Variants in AP4E1 observed in about 807,000 individuals in gnomAD.
The protein encoded by AP4E1 is AP-4 complex subunit epsilon-1.
In AP4E1, 56 loss-of-function variants were observed where a neutral mutation model predicts 128.2. The ratio of observed to expected loss-of-function variants is 0.44; its 90% CI spans 0.35 to 0.55. AP4E1 has a LOEUF of 0.55. Among genes scored for constraint, AP4E1 ranks in the 20% least tolerant of loss-of-function variants. The pLI is 0.00. For missense variants in AP4E1, 1,324 were observed against 1,307.7 expected (o/e 1.01, Z -0.19); for synonymous variants, 484 against 473.1 (o/e 1.02, Z -0.30).
At chr15:50,984,577 G>C (rs1035036092) in intron 16 of AP4E1, among the ~76,000 whole-genome samples, 1 of 150,296 alleles carries the variant, frequency 6.7e-6, no homozygotes, top group South Asian at 2.1e-4. Flanking sequence ...TTGTCCTTGC[G>C]ATAGTTTGCT....
intron 16 of AP4E1, among the ~76,000 whole-genome samples, chr15:50,986,986 G>T (rs556059936): frequency 3.3e-5 from 5 of 152,208 alleles, no homozygotes; most frequent in South Asian, 2.1e-4. Context: ...CAATTTCAGA[G>T]CCTGTTATTG....
In AP4E1 at chr15:50,908,915, T is replaced by G; in HGVS notation, c.137T>G (p.Leu46Arg). 6.2e-7 allele frequency: 1 copy of G among 1,610,982 alleles called. No homozygotes were observed. Residue 46 changes from leucine to arginine, a missense_variant, in exon 1 of 21, where the codon CTC (leucine) becomes CGC (arginine). By Grantham distance (102) the Leu-to-Arg change is moderately radical. Transcript: ENST00000261842. ...AGCCTTGTCCGCGGCATCACAGCCC[T>G]CACCTCCAAGCACGTAGGTGCCCGC... The part of the protein sequence containing the change: ...LGSLVRGITA[L>R]TSKHEEEKLI...
chr15:50,989,320 GTATT>G (rs997113345), intron 16 of AP4E1, among the ~76,000 whole-genome samples: 1 of 152,068 alleles, frequency 6.6e-6, no homozygotes, highest in Non-Finnish European at 1.5e-5. Flanking sequence ...GAGTTCTTCT[GTATT>G]TATTAAGAAA....
chr15:50,947,306 T>C (rs1232599883), intron 10 of AP4E1, among the ~76,000 whole-genome samples: 2 of 151,578 alleles, frequency 1.3e-5, no homozygotes, highest in East Asian at 3.9e-4. Flanking sequence ...GTCCCACCTA[T>C]TTGGAAGGCT....
At chr15:50,998,465 A>G (rs1407370783) in intron 18 of AP4E1, among the ~76,000 whole-genome samples, 1 of 152,094 alleles carries the variant, frequency 6.6e-6, no homozygotes, top group Admixed American at 6.6e-5. Flanking sequence ...CCCTGTCTCT[A>G]CTAAAAATAC....
At chr15:50,908,367 G>C (rs949634469), upstream of AP4E1, among the ~76,000 whole-genome samples, 1 of 152,172 alleles carries the variant, frequency 6.6e-6, no homozygotes. Flanking sequence ...TCCCGAAAAA[G>C]GCGCAGCCAG....
At chr15:50,909,041 GC>G (rs1265847472) in intron 1 of AP4E1, 113 bp downstream of exon 1, 1 of 1,491,556 alleles carries the variant, frequency 6.7e-7, no homozygotes, top group Non-Finnish European at 9.0e-7. Context: ...CTCCGGCGGG[GC>G]TCAGGGGCTG....
chr15:50,955,239 T>A (rs749462135), intron 13 of AP4E1, among the ~76,000 whole-genome samples: 2 of 152,238 alleles, frequency 1.3e-5, no homozygotes, highest in Non-Finnish European at 2.9e-5. Flanking sequence ...TAGTTCTAGA[T>A]CCTTGAGGAA....
intron 16 of AP4E1, among the ~76,000 whole-genome samples, chr15:50,989,449 T>A (rs2064774214): frequency 6.6e-6 from 1 of 152,200 alleles, no homozygotes; most frequent in Non-Finnish European, 1.5e-5. Flanking sequence ...GTAGAATATG[T>A]TGAATGAAAT....
intron 7 of AP4E1, 102 bp downstream of exon 7, chr15:50,931,073 GT>G: frequency 7.2e-7 from 1 of 1,383,914 alleles, no homozygotes; most frequent in African/African-American, 1.4e-5. Flanking sequence ...TTCTTCCAAT[GT>G]TTAATTGGCT....
At position 50,997,231 on chromosome 15, in the gene AP4E1, T is replaced by C. The variant is rs2064888153; in HGVS notation, c.2347-95T>C. On this transcript the variant is annotated intron_variant, in intron 17 of 20. Coordinates refer to ENST00000261842, the MANE Select transcript of AP4E1 (RefSeq NM_007347.5). ...TCTTTATAGATAGAACCTTAGCAAA[T>C]TGTTATATTGCTGATTTGAAATTAT... The C allele has an allele frequency of 1.1e-5, 12 of 1,116,070 alleles. No homozygotes were observed. The South Asian group carries it at 1.3e-4, about 12-fold the overall frequency. The allele number at this position is 1,116,070 out of a possible 1,614,324, so 69.1% of individuals were successfully genotyped here.
chr15:50,962,017 A>AAATACAATACAATAC (rs56115825), intron 14 of AP4E1, among the ~76,000 whole-genome samples: 3,209 of 150,954 alleles, frequency 0.021, 73 homozygotes, highest in African/African-American at 0.059. Context: ...ATAAATAAAT[A>AAATACAATACAATAC]AATACAATAC....
At position 51,001,141 on chromosome 15, in the gene AP4E1, A is replaced by G. The variant is rs2064957636; in HGVS notation, c.3211A>G (p.Thr1071Ala). ...SQAALPSALK[T>A]LQQKLRLHII... ...AGCTGCACTTCCTTCTGCACTAAAG[A>G]CTCTGCAACAGAAACTAAGACTCCA... Residue 1071 changes from threonine to alanine, a missense_variant, in exon 20 of 21, where the codon ACT becomes GCT. Coordinates refer to ENST00000261842, the MANE Select transcript of AP4E1 (RefSeq NM_007347.5). The G allele has an allele frequency of 6.2e-7, 1 of 1,613,474 alleles. No homozygotes were observed. Among genetic ancestry groups the G allele is most frequent in the Non-Finnish European group, 8.5e-7 (1 of 1,179,744 alleles).
chr15:50,936,930 A>G (rs908045827), intron 8 of AP4E1, among the ~76,000 whole-genome samples: 1 of 150,256 alleles, frequency 6.7e-6, no homozygotes, highest in African/African-American at 2.5e-5. Flanking sequence ...ACATAGCAAG[A>G]CTCTGTCTCA....
At chr15:50,986,105 CTCTG>C (rs975882529) in intron 16 of AP4E1, among the ~76,000 whole-genome samples, 63 of 151,946 alleles carry the variant, frequency 4.1e-4, no homozygotes, top group African/African-American at 1.5e-3. Context: ...TGATTTGGCT[CTCTG>C]TCTGTTATTG....
rs755764578 is a variant in AP4E1, at chr15:50,958,560, G to A, written c.1617G>A (p.Lys539=). 13 of 1,614,030 alleles carry A rather than the reference G, an allele frequency of 8.1e-6. No homozygotes were observed. The Middle Eastern group carries it at 6.6e-4, about 82-fold the overall frequency. Reference sequence around the variant, plus strand: ...AGGAAGTTATAGCTAAGCTCTACAAGTTACTTATGAATGACTCTGTGTCTT... The same window carrying A: ...AGGAAGTTATAGCTAAGCTCTACAAATTACTTATGAATGACTCTGTGTCTT... The part of the protein sequence containing the change: ...TPEEVIAKLY[K]LLMNDSVSSE... Residue 539 remains lysine (K), a synonymous_variant, in exon 14 of 21, where the codon AAG becomes AAA. Coordinates refer to ENST00000261842, the MANE Select transcript of AP4E1 (RefSeq NM_007347.5).
At chr15:50,990,995 AC>A (rs2140925272) in intron 16 of AP4E1, among the ~76,000 whole-genome samples, 1 of 152,220 alleles carries the variant, frequency 6.6e-6, no homozygotes, top group South Asian at 2.1e-4. Context: ...GCCGGTGACA[AC>A]CTCTGCTGAC....
chr15:50,950,016 G>T, intron 12 of AP4E1, 35 bp from the exon 13 acceptor site: 2 of 1,592,392 alleles, frequency 1.3e-6, no homozygotes, highest in South Asian at 1.1e-5. Context: ...AGATAAGTTT[G>T]TGGAAATTAA....
At chr15:50,961,098 G>T (rs1282096255) in intron 14 of AP4E1, among the ~76,000 whole-genome samples, 1 of 151,878 alleles carries the variant, frequency 6.6e-6, no homozygotes. Flanking sequence ...AATGAATAAT[G>T]ACATTGAATC....
Sources: allele counts gnomAD v4.1 joint callset (sites outside exome capture counted in the v4.1 genomes callset), GRCh38; gene constraint gnomAD v4.1.1; transcripts MANE v1.5; gene names NCBI Gene and HGNC (gene_info 2026-07-23, HGNC 2026-07-21).